Variants in MEGF8 observed in about 807,000 individuals in gnomAD.
The protein encoded by MEGF8 is multiple EGF like domains 8.
In MEGF8, 156 loss-of-function variants were observed where a neutral mutation model predicts 302.9. The ratio of observed to expected loss-of-function variants is 0.52; its 90% CI spans 0.45 to 0.59. The LOEUF is 0.59. Ranked by LOEUF, MEGF8 falls within the 20% of genes least tolerant of loss-of-function variation. The pLI is 0.00. For missense variants in MEGF8, 3,345 were observed against 3,964.5 expected (o/e 0.84, Z 4.20); for synonymous variants, 1,621 against 1,660.5 (o/e 0.98, Z 0.58).
chr19:42,354,209 C>A lies in MEGF8; in HGVS notation c.4011+185C>A, dbSNP rs578146313. On this transcript the variant is annotated intron_variant, in intron 22 of 41. Coordinates refer to ENST00000251268, the MANE Select transcript of MEGF8 (RefSeq NM_001271938.2). This position sits in a 1 kb window ranked among gnomAD's most constrained non-coding sequence, Gnocchi z 4.3. ...TTCCTAGGCCCACAGACAGACCCCC[C>A]CATTTCCCAGATAGCTTCCTATTTC... is the stretch of plus-strand genomic sequence containing the variant. Among the ~76,000 whole-genome samples, 19 of 152,112 alleles carry A rather than the reference C, an allele frequency of 1.2e-4. No individual in the cohort carries two copies. The highest frequency in any genetic ancestry group is 5.8e-4 in the East Asian group (3 of 5,182).
chr19:42,372,435 C>G (rs2147513735), intron 41 of MEGF8, among the ~76,000 whole-genome samples: 2 of 152,268 alleles, frequency 1.3e-5, no homozygotes, highest in African/African-American at 4.8e-5. Context: ...CATGATGTCC[C>G]AGGCTCCTTC....
intron 35 of MEGF8, among the ~76,000 whole-genome samples, chr19:42,366,295 G>A (rs966194110): frequency 6.6e-6 from 1 of 152,130 alleles, no homozygotes; most frequent in Admixed American, 6.5e-5. Context: ...CCACCTTCCA[G>A]GTTCAAGTGA....
intron 2 of MEGF8, 104 bp from the exon 3 acceptor site, chr19:42,333,903 T>C: frequency 6.6e-7 from 1 of 1,514,270 alleles, no homozygotes; most frequent in African/African-American, 1.4e-5. Context: ...AGGAAGGAGA[T>C]GAGGCTCTGG....
intron 35 of MEGF8, among the ~76,000 whole-genome samples, chr19:42,367,446 G>T (rs1230781863): frequency 6.6e-6 from 1 of 152,022 alleles, no homozygotes; most frequent in African/African-American, 2.4e-5. Flanking sequence ...CCGCCACCAC[G>T]CCTGGCTAAT....
rs113687701 is a variant in MEGF8 at position 42,376,981 on chromosome 19, G to A, written c.*206G>A. On this transcript the variant is annotated 3_prime_UTR_variant, in exon 42 of 42. Coordinates refer to ENST00000251268, the MANE Select transcript of MEGF8 (RefSeq NM_001271938.2). This position sits in a 1 kb window ranked among gnomAD's most constrained non-coding sequence, Gnocchi z 8.2. ...TACTCTGTCAGGCACTGTCATAGGC[G>A]TGGGGCAAAGCAGGAACCAAGAGAC... The A allele has an allele frequency of 1.1e-4, 54 of 506,136 alleles. No individual in the cohort carries two copies. The highest frequency in any genetic ancestry group is 7.1e-4 in the African/African-American group (36 of 50,548). 31.4% of individuals were successfully genotyped at this position (506,136 alleles called of 1,614,324 possible).
At chr19:42,335,603 C>G (rs2039116587) in intron 5 of MEGF8, among the ~76,000 whole-genome samples, 1 of 152,046 alleles carries the variant, frequency 6.6e-6, no homozygotes, top group African/African-American at 2.4e-5. Flanking sequence ...CATGTGTCTC[C>G]TGTTGCTCAA....
rs750465936 is a variant in MEGF8, at chr19:42,368,653, C to T, written c.6472C>T (p.Pro2158Ser). 1.9e-6 allele frequency: 3 copies of T among 1,546,808 alleles called. No individual in the cohort carries two copies. Among genetic ancestry groups the T allele is most frequent in the South Asian group, 2.4e-5 (2 of 82,922 alleles). Reference sequence around the variant, plus strand: ...CTGCATGGAGGGTGGACTCAGCGGCCCCCGTGATGGTGAGAGGGCTTTGGG... The same window carrying T: ...CTGCATGGAGGGTGGACTCAGCGGCTCCCGTGATGGTGAGAGGGCTTTGGG... ...GRCMEGGLSG[P>S]RDGLTCGRPG... Residue 2158 changes from proline to serine, a missense_variant, in exon 36 of 42, where the codon CCC becomes TCC. Transcript: ENST00000251268. This position sits in a 1 kb window ranked among gnomAD's most constrained non-coding sequence, Gnocchi z 4.9.
chr19:42,363,306 G>A, intron 35 of MEGF8, 44 bp downstream of exon 35: 1 of 1,515,712 alleles, frequency 6.6e-7, no homozygotes, highest in South Asian at 1.2e-5. Context: ...GGCCCGGGCA[G>A]GTCTCCCTCC....
rs898274656 is a variant in MEGF8 at position 42,376,616 on chromosome 19, A to G, written c.8379A>G (p.Ala2793=). The G allele has an allele frequency of 4.5e-6, 7 of 1,545,492 alleles. No homozygotes were observed. The highest frequency in any genetic ancestry group is 6.1e-6 in the Non-Finnish European group (7 of 1,148,320). The part of the protein sequence containing the change: ...LLLQLPGGPH[A]PNGACLGSAL... ...TCCAGCTGCCTGGCGGGCCCCATGC[A>G]CCCAACGGCGCCTGCCTGGGGTCAG... is the stretch of plus-strand genomic sequence containing the variant. Residue 2793 remains alanine, a synonymous_variant, in exon 42 of 42, where the codon GCA becomes GCG. Coordinates refer to ENST00000251268, the MANE Select transcript of MEGF8 (RefSeq NM_001271938.2). The surrounding 1 kb of genome is among the most constrained non-coding windows in gnomAD (Gnocchi z 8.2).
Position 42,356,534 on chromosome 19 carries a change from C to T in MEGF8, c.4622+81C>T. On this transcript the variant is annotated intron_variant, in intron 26 of 41. Coordinates refer to ENST00000251268, the MANE Select transcript of MEGF8 (RefSeq NM_001271938.2). The surrounding 1 kb of genome is among the most constrained non-coding windows in gnomAD (Gnocchi z 5.2). ...TGCTAAGAGTCACCTCAGAGGAGTG[C>T]AGAAAAGCCTCTAAGGTAAAGGACA... 8.5e-7 allele frequency: 1 copy of T among 1,176,432 alleles called. No individual in the cohort carries two copies. Among genetic ancestry groups the T allele is most frequent in the Non-Finnish European group, 1.2e-6 (1 of 852,348 alleles). The allele number at this position is 1,176,432 out of a possible 1,614,324, so 72.9% of individuals were successfully genotyped here. A position where few individuals can be genotyped will look rare whatever the true frequency, so the allele number is the denominator to read the frequency against.
At chr19:42,342,386 C>T (rs545926968) in intron 8 of MEGF8, among the ~76,000 whole-genome samples, 1 of 152,274 alleles carries the variant, frequency 6.6e-6, no homozygotes, top group East Asian at 1.9e-4. Flanking sequence ...TGCCTGTAAT[C>T]CCAGCACTTT....
intron 5 of MEGF8, 119 bp downstream of exon 5, chr19:42,335,504 A>G: frequency 1.2e-6 from 1 of 849,308 alleles, no homozygotes; most frequent in Non-Finnish European, 1.9e-6. Context: ...TGATATAGGA[A>G]CCTACTTCTC....
intron 12 of MEGF8, 106 bp from the exon 13 acceptor site, chr19:42,348,166 T>G: frequency 1.9e-6 from 2 of 1,065,790 alleles, no homozygotes; most frequent in Non-Finnish European, 1.3e-6. Flanking sequence ...AGTCTCTCAT[T>G]TGGTAAAATG....
At chr19:42,363,421 T>C (rs1172037239) in intron 35 of MEGF8, among the ~76,000 whole-genome samples, 159 bp downstream of exon 35, 3 of 152,182 alleles carry the variant, frequency 2.0e-5, no homozygotes, top group Non-Finnish European at 4.4e-5. Context: ...CCACCATCTC[T>C]TTCCTCCCTC....
At position 42,351,483 on chromosome 19, in the gene MEGF8, G is replaced by C. The variant is rs955021153; in HGVS notation, c.2910G>C (p.Gln970His). 1 of 1,604,506 alleles carries C rather than the reference G, an allele frequency of 6.2e-7. No homozygotes were observed. Among genetic ancestry groups the C allele is most frequent in the Non-Finnish European group, 8.5e-7 (1 of 1,176,030 alleles). ...ACTCTAGCCAGTGCGCCTGGTGCCA[G>C]TCCACCCACACCTGCTTCCTGTTTG... ...LANSSQCAWC[Q>H]STHTCFLFAA... The change falls in exon 17 of 42, where the codon CAG becomes CAC. Residue 970 changes from glutamine to histidine, a missense_variant. By Grantham distance (24) the Gln-to-His change is conservative. Transcript: ENST00000251268. The surrounding 1 kb of genome is among the most constrained non-coding windows in gnomAD (Gnocchi z 5.6).
At chr19:42,330,102 C>T (rs1040352056) in intron 1 of MEGF8, among the ~76,000 whole-genome samples, 9 of 151,932 alleles carry the variant, frequency 5.9e-5, no homozygotes, top group African/African-American at 9.7e-5. Context: ...GCCACCATGC[C>T]GGGCTAATTT....
chr19:42,352,240 G>A lies in MEGF8; in HGVS notation c.3134G>A (p.Gly1045Asp), dbSNP rs764684398. The change falls in exon 19 of 42, where the codon GGT becomes GAT. Residue 1045 changes from glycine (G) to aspartate (D), a missense_variant. Coordinates refer to ENST00000251268, the MANE Select transcript of MEGF8 (RefSeq NM_001271938.2). The surrounding 1 kb of genome is among the most constrained non-coding windows in gnomAD (Gnocchi z 4.4). Reference sequence around the variant, plus strand: ...CAGGGGGACTTCTCAGGGCCCCTCGGTGGGGGTAACTGCTCCCTGTGGGTG... The same window carrying A: ...CAGGGGGACTTCTCAGGGCCCCTCGATGGGGGTAACTGCTCCCTGTGGGTG... ...CLQGDFSGPL[G>D]GGNCSLWVGE... 30 of 1,555,884 alleles carry A rather than the reference G, an allele frequency of 1.9e-5. No homozygotes were observed. The highest frequency in any genetic ancestry group is 2.5e-5 in the Non-Finnish European group (29 of 1,147,058).
Position 42,368,834 on chromosome 19 carries a change from C to A in MEGF8, c.6482-9C>A. The A allele has an allele frequency of 6.2e-7, 1 of 1,612,384 alleles. No individual in the cohort carries two copies. The highest frequency in any genetic ancestry group is 8.5e-7 in the Non-Finnish European group (1 of 1,179,150). On this transcript the variant is annotated splice_polypyrimidine_tract_variant and intron_variant, in intron 36 of 41. Transcript: ENST00000251268. This position sits in a 1 kb window ranked among gnomAD's most constrained non-coding sequence, Gnocchi z 4.9. The stretch of plus-strand genomic sequence containing the variant: ...AGGTCCAGGTAAAATGCTATATCCC[C>A]GGTGCTAGGGCTGACATGTGGGCGT...
rs189548118 is a variant in MEGF8 at position 42,344,120 on chromosome 19, C to T, written c.1788+47C>T. ...TCTGTTCCCTAGCATAGAGACCTGCCCTCAGTGTCTCCCTCTGCCTAACCA... is the reference window on the plus strand; with the variant it reads ...TCTGTTCCCTAGCATAGAGACCTGCTCTCAGTGTCTCCCTCTGCCTAACCA... On this transcript the variant is annotated intron_variant, in intron 10 of 41. Transcript: ENST00000251268. The surrounding 1 kb of genome is among the most constrained non-coding windows in gnomAD (Gnocchi z 4.5). The T allele has an allele frequency of 1.9e-5, 30 of 1,598,058 alleles. No homozygotes were observed. The African/African-American group carries it at 3.8e-4, about 20-fold the overall frequency.
Sources: gnomAD v4.1 joint callset for allele counts (sites outside exome capture counted in the v4.1 genomes callset) on GRCh38, gnomAD v4.1.1 for gene constraint, Gnocchi (gnomAD v3.1) non-coding constraint, MANE v1.5 for transcripts, NCBI Gene and HGNC (gene_info 2026-07-23, HGNC 2026-07-21) for gene names.